Variants in SNTG1 observed in about 807,000 individuals in gnomAD.
The protein encoded by SNTG1 is syntrophin gamma 1.
In SNTG1, 39 loss-of-function variants were observed where a neutral mutation model predicts 74.7. The ratio of observed to expected loss-of-function variants is 0.52; its 90% CI spans 0.40 to 0.68. The LOEUF (loss-of-function observed/expected upper bound fraction) is 0.68. SNTG1 is among the 30% of genes least tolerant of loss of function. SNTG1 has a pLI of 0.00. For missense variants in SNTG1, 685 were observed against 609.5 expected, an observed-to-expected ratio of 1.12 and a Z score of -1.30; for synonymous variants, 254 against 217.1, an observed-to-expected ratio of 1.17 and a Z score of -1.49.
At chr8:50,107,740 G>A (rs375793693) in intron 1 of SNTG1, among the ~76,000 whole-genome samples, 2 of 151,704 alleles carry the variant, frequency 1.3e-5, no homozygotes, top group Non-Finnish European at 2.9e-5. Flanking sequence ...TAGTAGAGAC[G>A]GGGTTTTACC....
At chr8:50,171,205 T>C (rs550988278) in intron 1 of SNTG1, among the ~76,000 whole-genome samples, 2 of 152,256 alleles carry the variant, frequency 1.3e-5, no homozygotes, top group Admixed American at 6.5e-5. Flanking sequence ...ACAGGACTAA[T>C]AGGAAATATA....
In SNTG1 at chr8:50,536,716, C is replaced by G. The variant is rs759791590; in HGVS notation, c.588C>G (p.Gly196=). Reference sequence around the variant, plus strand: ...GCTCGTCGTGGCCGACGTCTCCAGGCTTGAGGTGGGAGAAGCGATGGTGCG... The same window carrying G: ...GCTCGTCGTGGCCGACGTCTCCAGGGTTGAGGTGGGAGAAGCGATGGTGCG... ...LSCSSWPTSP[G]LRWEKRWCDL... is the part of the protein sequence containing the mutation. Residue 196 remains glycine (G), a synonymous_variant, in exon 11 of 19, where the codon GGC becomes GGG. Transcript: ENST00000642720. 1.2e-6 allele frequency: 2 copies of G among 1,613,974 alleles called. No homozygotes were observed. Among genetic ancestry groups the G allele is most frequent in the Admixed American group, 1.7e-5 (1 of 60,006 alleles).
intron 2 of SNTG1, among the ~76,000 whole-genome samples, chr8:50,378,568 A>T (rs919142818): frequency 1.3e-5 from 2 of 152,140 alleles, no homozygotes; most frequent in Admixed American, 6.5e-5. Context: ...AGCTTTATTG[A>T]TAGATAGGAC....
chr8:50,509,911 C>T (rs925268915), intron 9 of SNTG1, among the ~76,000 whole-genome samples: 17 of 152,040 alleles, frequency 1.1e-4, no homozygotes, highest in African/African-American at 3.6e-4. Context: ...CCTTTATTTC[C>T]TTCTCCTGCC....
chr8:50,607,683 T>C (rs576795744), intron 13 of SNTG1, among the ~76,000 whole-genome samples: 7 of 151,660 alleles, frequency 4.6e-5, no homozygotes, highest in African/African-American at 1.7e-4. Context: ...CTTCGTTGTC[T>C]TTCTTTCTTT....
chr8:50,618,583 G>A (rs1404747382), intron 13 of SNTG1, among the ~76,000 whole-genome samples: 1 of 152,160 alleles, frequency 6.6e-6, no homozygotes, highest in African/African-American at 2.4e-5. Flanking sequence ...GAAAAACTAA[G>A]CTTGTTTCAC....
At chr8:49,916,789 T>C (rs925782169) in intron 1 of SNTG1, among the ~76,000 whole-genome samples, 2 of 151,908 alleles carry the variant, frequency 1.3e-5, no homozygotes, top group African/African-American at 2.4e-5. Context: ...GAGGATCACT[T>C]GAAGCCAGGA....
chr8:50,536,874 T>C (rs1377293758), intron 11 of SNTG1, 66 bp downstream of exon 11: 2 of 1,582,882 alleles, frequency 1.3e-6, no homozygotes, highest in Admixed American at 1.7e-5. Context: ...AGAAAACCTT[T>C]TGACATATCA....
chr8:50,779,107 C>T (rs563909021), intron 18 of SNTG1, among the ~76,000 whole-genome samples: 2 of 152,190 alleles, frequency 1.3e-5, no homozygotes, highest in South Asian at 2.1e-4. Context: ...TTACTGTAGC[C>T]TTGTAGTATA....
chr8:50,768,095 G>C (rs1419087217), intron 18 of SNTG1, among the ~76,000 whole-genome samples: 1 of 151,912 alleles, frequency 6.6e-6, no homozygotes, highest in Non-Finnish European at 1.5e-5. Flanking sequence ...TTTTTAAATG[G>C]AGCTGATCAT....
intron 1 of SNTG1, among the ~76,000 whole-genome samples, chr8:50,035,745 A>G (rs1818103347): frequency 1.3e-5 from 2 of 152,306 alleles, no homozygotes; most frequent in East Asian, 1.9e-4. Context: ...CGAAGGACCC[A>G]GACAAGACTG....
intron 17 of SNTG1, among the ~76,000 whole-genome samples, chr8:50,740,730 G>T (rs112271602): frequency 0.027 from 4,065 of 152,044 alleles, 183 homozygotes; most frequent in African/African-American, 0.093. Flanking sequence ...CAAAGACATG[G>T]AGTCAATCTA....
chr8:50,697,810 T>C (rs2131488201), intron 15 of SNTG1, among the ~76,000 whole-genome samples: 2 of 152,310 alleles, frequency 1.3e-5, no homozygotes, highest in Non-Finnish European at 2.9e-5. Flanking sequence ...TGTAATATCT[T>C]TTTGATGTGT....
At chr8:50,276,401 AT>A (rs1563832795) in intron 2 of SNTG1, among the ~76,000 whole-genome samples, 46 of 102,478 alleles carry the variant, frequency 4.5e-4, no homozygotes, top group South Asian at 2.5e-3. Context: ...ATATATATAT[AT>A]ATATATAAAT....
At chr8:50,289,468 CTTAG>C in intron 2 of SNTG1, among the ~76,000 whole-genome samples, 1 of 152,110 alleles carries the variant, frequency 6.6e-6, no homozygotes, top group Non-Finnish European at 1.5e-5. Flanking sequence ...TTGCTTATAC[CTTAG>C]TTATAGTGAG....
At chr8:50,645,267 G>C (rs930216027) in intron 13 of SNTG1, among the ~76,000 whole-genome samples, 1 of 151,566 alleles carries the variant, frequency 6.6e-6, no homozygotes, top group Admixed American at 6.6e-5. Flanking sequence ...ATAAACTTCT[G>C]GTAAACTCAT....
chr8:50,103,565 C>T (rs2080237405), intron 1 of SNTG1, among the ~76,000 whole-genome samples: 1 of 152,118 alleles, frequency 6.6e-6, no homozygotes, highest in South Asian at 2.1e-4. Flanking sequence ...CTTCTCCTGC[C>T]TAATTGCCCT....
At chr8:50,522,577 CTTT>C (rs34011488) in intron 9 of SNTG1, among the ~76,000 whole-genome samples, 78 of 127,070 alleles carry the variant, frequency 6.1e-4, no homozygotes, top group Admixed American at 7.4e-4. Context: ...GACTTCCTTC[CTTT>C]TTTTTTTTTT....
chr8:50,744,531 T>G (rs2095550884), intron 17 of SNTG1, among the ~76,000 whole-genome samples: 1 of 152,004 alleles, frequency 6.6e-6, no homozygotes, highest in Non-Finnish European at 1.5e-5. Flanking sequence ...ACTGATATTT[T>G]TTGAAGAAAT....
Sources: gnomAD v4.1 joint callset for allele counts (sites outside exome capture counted in the v4.1 genomes callset) on GRCh38, gnomAD v4.1.1 for gene constraint, MANE v1.5 for transcripts, NCBI Gene and HGNC (gene_info 2026-07-23, HGNC 2026-07-21) for gene names.